PLS3: variants seen among roughly 807,000 people sequenced by gnomAD.
PLS3 encodes the protein plastin-3.
Under a neutral mutation model 46.5 loss-of-function variants are expected in PLS3, and 11 were observed. The ratio of observed to expected loss-of-function variants is 0.24; its 90% confidence interval spans 0.15 to 0.39. The LOEUF (loss-of-function observed/expected upper bound fraction) is 0.39, where lower values mean the gene tolerates loss of function less well. Among genes scored for constraint, PLS3 ranks in the 10% least tolerant of loss-of-function variants. PLS3 has a pLI of 1.00. For missense variants in PLS3, 308 were observed against 461.8 expected, an observed-to-expected ratio of 0.67 and a Z score of 3.05; for synonymous variants, 167 against 162.2, an observed-to-expected ratio of 1.03 and a Z score of -0.22.
At position 115,615,884 on chromosome X, in the gene PLS3, T is replaced by C. The variant is rs142312735; in HGVS notation, c.73+5561T>C. Among the ~76,000 whole-genome samples the C allele has an allele frequency of 6.3e-3, 702 of 111,769 alleles. 5 individuals carry two copies. Among genetic ancestry groups the C allele is most frequent in the African/African-American group, 0.021 (652 of 30,760 alleles). On this transcript the variant is annotated intron_variant, in intron 2 of 15. Coordinates refer to ENST00000355899, the MANE Select transcript of PLS3 (RefSeq NM_005032.7). ...ATTTATGTCTGCTTTATCAGCTGGTTGGAAACTATGATGCTGAAACAGAAG... is the reference window on the plus strand; with the variant it reads ...ATTTATGTCTGCTTTATCAGCTGGTCGGAAACTATGATGCTGAAACAGAAG...
intron 14 of PLS3, 48 bp downstream of exon 14, chrX:115,647,721 T>C: frequency 8.6e-7 from 1 of 1,164,481 alleles, no homozygotes; most frequent in Non-Finnish European, 1.2e-6. Flanking sequence ...CTGGATAACA[T>C]CTATCATTTG....
rs782194670 is a variant in PLS3 at position 115,646,661 on chromosome X, G to A, written c.1511+126G>A. ...TTGAAATATGTTATATTTACACTCC[G>A]AAATGAGTTTAATTAATGAATATAT... On this transcript the variant is annotated intron_variant, in intron 13 of 15. Coordinates refer to ENST00000355899, the MANE Select transcript of PLS3 (RefSeq NM_005032.7). 2.1e-5 allele frequency: 12 copies of A among 571,471 alleles called. No individual in the cohort carries two copies. In the South Asian group the frequency reaches 5.1e-4, roughly 24 times the overall value. The allele number at this position is 571,471 out of a possible 1,213,427, so 47.1% of individuals were successfully genotyped here.
chrX:115,649,668 G>T lies in PLS3; in HGVS notation c.*107G>T. 1 of 742,228 alleles carries T rather than the reference G, an allele frequency of 1.3e-6. No individual in the cohort carries two copies. The highest frequency in any genetic ancestry group is 1.9e-6 in the Non-Finnish European group (1 of 517,206). 61.2% of individuals were successfully genotyped at this position (742,228 alleles called of 1,213,427 possible). Reference sequence around the variant, plus strand: ...TTAAGGAACTCTTGGCCATTCAAAGGACTTTTCATTTTGATTAACAGGACT... The same window carrying T: ...TTAAGGAACTCTTGGCCATTCAAAGTACTTTTCATTTTGATTAACAGGACT... On this transcript the variant is annotated 3_prime_UTR_variant, in exon 16 of 16. Coordinates refer to ENST00000355899, the MANE Select transcript of PLS3 (RefSeq NM_005032.7).
At chrX:115,567,279 A>G (rs912595294) in intron 1 of PLS3, among the ~76,000 whole-genome samples, 4 of 111,571 alleles carry the variant, frequency 3.6e-5, no homozygotes, top group Admixed American at 1.9e-4. Flanking sequence ...GATAATCTAT[A>G]CATTTAAGTA....
rs1269716693 is a variant in PLS3 at position 115,645,994 on chromosome X, A to G, written c.1263-78A>G. The G allele has an allele frequency of 5.6e-6, 3 of 538,818 alleles. No individual in the cohort carries two copies. The African/African-American group carries it at 7.0e-5, about 12-fold the overall frequency. The allele number at this position is 538,818 out of a possible 1,213,427, so 44.4% of individuals were successfully genotyped here. ...ATGGTTTTATATATCTTGTTTGACA[A>G]TGTAGTGTTACTGTTTTTAAGGAAA... On this transcript the variant is annotated intron_variant, in intron 11 of 15. Transcript: ENST00000355899.
chrX:115,592,641 C>A (rs1209836006), intron 1 of PLS3, among the ~76,000 whole-genome samples: 3 of 111,696 alleles, frequency 2.7e-5, no homozygotes, highest in Non-Finnish European at 5.6e-5. Context: ...ATTGCTAGAC[C>A]AGTTAAAGGC....
chrX:115,575,607 C>T (rs1556631093), intron 1 of PLS3, among the ~76,000 whole-genome samples: 1 of 111,386 alleles, frequency 9.0e-6, no homozygotes, highest in Admixed American at 9.6e-5. Context: ...CCACACCTGG[C>T]TAATTTTTTG....
intron 2 of PLS3, among the ~76,000 whole-genome samples, chrX:115,620,472 A>G (rs2074637750): frequency 9.1e-6 from 1 of 109,809 alleles, no homozygotes; most frequent in Non-Finnish European, 1.9e-5. Context: ...CTGCCCCCCA[A>G]TATCTCTATA....
chrX:115,616,515 C>T (rs376145599), intron 2 of PLS3, among the ~76,000 whole-genome samples: 24 of 111,990 alleles, frequency 2.1e-4, no homozygotes, highest in African/African-American at 7.8e-4. Flanking sequence ...TTTAAAATTA[C>T]AAGTTAGTCT....
chrX:115,622,180 G>A lies in PLS3; in HGVS notation c.74-66G>A, dbSNP rs895824169. The A allele has an allele frequency of 4.6e-5, 40 of 876,674 alleles. No individual in the cohort carries two copies. In the African/African-American group the frequency reaches 7.9e-4, roughly 17 times the overall value. The allele number at this position is 876,674 out of a possible 1,213,427, so 72.2% of individuals were successfully genotyped here. A position where few individuals can be genotyped will look rare whatever the true frequency, so the allele number is the denominator to read the frequency against. Reference sequence around the variant, plus strand: ...CTTATGAACTGAACCTCAAATGAAGGGAAATACTCTAACTTCTGTCTTTCA... The same window carrying A: ...CTTATGAACTGAACCTCAAATGAAGAGAAATACTCTAACTTCTGTCTTTCA... On this transcript the variant is annotated intron_variant, in intron 2 of 15. Transcript: ENST00000355899.
intron 1 of PLS3, among the ~76,000 whole-genome samples, chrX:115,570,123 G>A (rs782134837): frequency 2.0e-4 from 22 of 110,527 alleles, no homozygotes; most frequent in South Asian, 2.0e-3. Flanking sequence ...TTTTAGTAGA[G>A]ATGGGGTTTC....
At chrX:115,642,861 GAAA>G (rs1285978586) in intron 9 of PLS3, among the ~76,000 whole-genome samples, 1 of 111,002 alleles carries the variant, frequency 9.0e-6, no homozygotes, top group African/African-American at 3.3e-5. Context: ...AAGTACATTT[GAAA>G]AAAAATTTTA....
chrX:115,648,747 G>C (rs1399776146), intron 15 of PLS3, among the ~76,000 whole-genome samples: 1 of 111,626 alleles, frequency 9.0e-6, no homozygotes, highest in Non-Finnish European at 1.9e-5. Context: ...TATGACAAAG[G>C]TCTAATATCC....
At chrX:115,578,713 AAGAT>A (rs1481293745) in intron 1 of PLS3, among the ~76,000 whole-genome samples, 3 of 109,722 alleles carry the variant, frequency 2.7e-5, no homozygotes, top group Non-Finnish European at 3.8e-5. Context: ...AAAAAAAAAA[AAGAT>A]AAAGTGGGAA....
At chrX:115,607,366 A>C (rs2074503738) in intron 1 of PLS3, among the ~76,000 whole-genome samples, 1 of 111,978 alleles carries the variant, frequency 8.9e-6, no homozygotes, top group African/African-American at 3.2e-5. Flanking sequence ...GATTACTCTG[A>C]AAGGTATTTT....
At chrX:115,644,527 G>C (rs1448871742) in intron 10 of PLS3, among the ~76,000 whole-genome samples, 1 of 110,489 alleles carries the variant, frequency 9.1e-6, no homozygotes, top group Non-Finnish European at 1.9e-5. Context: ...AACCTGGGAG[G>C]CAGAGGTTGT....
intron 3 of PLS3, among the ~76,000 whole-genome samples, chrX:115,628,067 A>G (rs782360251): frequency 1.4e-4 from 16 of 112,037 alleles, no homozygotes; most frequent in Non-Finnish European, 2.6e-4. Flanking sequence ...TGGAAAGACA[A>G]AATACAACAA....
At chrX:115,565,834 T>A (rs1276372322) in intron 1 of PLS3, among the ~76,000 whole-genome samples, 3 of 112,323 alleles carry the variant, frequency 2.7e-5, no homozygotes, top group Non-Finnish European at 3.8e-5. Context: ...GCATTAAGCC[T>A]ACTGATTTTA....
chrX:115,637,901 C>T (rs2074854134), intron 8 of PLS3, among the ~76,000 whole-genome samples: 1 of 111,724 alleles, frequency 9.0e-6, no homozygotes, highest in Admixed American at 9.5e-5. Context: ...CCAACTGACC[C>T]TGCCCTCTCT....
Sources: allele counts gnomAD v4.1 joint callset (sites outside exome capture counted in the v4.1 genomes callset), GRCh38; gene constraint gnomAD v4.1.1; transcripts MANE v1.5; gene names NCBI Gene and HGNC (gene_info 2026-07-23, HGNC 2026-07-21).